CD6: variants seen among roughly 807,000 people sequenced by gnomAD.
CD6 encodes CD6 molecule.
In CD6, 53 loss-of-function variants were observed where a neutral mutation model predicts 75.3. The observed-to-expected ratio is 0.70, with a 90% CI of 0.56 to 0.88. The LOEUF is 0.88. CD6 is among the 40% of genes least tolerant of loss of function. The pLI is 0.00. For synonymous variants in CD6, 359 were observed against 381.5 expected (o/e 0.94, Z 0.69); for missense variants, 770 against 897.1 (o/e 0.86, Z 1.81).
chr11:61,008,420 G>T, intron 3 of CD6, 114 bp from the exon 4 acceptor site: 1 of 1,014,320 alleles, frequency 9.9e-7, no homozygotes, highest in Non-Finnish European at 1.4e-6. Context: ...CCGGGCTACA[G>T]CCCTCTCACT....
At chr11:60,997,538 T>TA (rs1387060696) in intron 1 of CD6, among the ~76,000 whole-genome samples, 1 of 151,964 alleles carries the variant, frequency 6.6e-6, no homozygotes, top group Non-Finnish European at 1.5e-5. Flanking sequence ...TACACATCAA[T>TA]AAAAAAATTC....
In CD6 at chr11:61,011,132, A is replaced by G; in HGVS notation, c.1147A>G (p.Ile383Val). The change falls in exon 6 of 13, where the codon ATA becomes GTA. Residue 383 changes from isoleucine (I) to valine (V), a missense_variant. Transcript: ENST00000313421. ...CCCTGCAAGTGTTCAGACAGTCACT[A>G]TAGGTAAGTGTTGCTGGGTACTACG... ...EVPASVQTVTIESSVTVKIEN... is the reference protein window; with the variant it reads ...EVPASVQTVTVESSVTVKIEN... 4.3e-6 allele frequency: 7 copies of G among 1,613,150 alleles called. No homozygotes were observed. The highest frequency in any genetic ancestry group is 5.9e-6 in the Non-Finnish European group (7 of 1,179,602).
intron 1 of CD6, among the ~76,000 whole-genome samples, chr11:60,978,522 T>C (rs1452374642): frequency 6.6e-6 from 1 of 152,200 alleles, no homozygotes; most frequent in Non-Finnish European, 1.5e-5. Flanking sequence ...TTGGTCAAGT[T>C]CCTTCCTTTC....
chr11:60,993,551 C>T (rs903884733), intron 1 of CD6, among the ~76,000 whole-genome samples: 2 of 152,100 alleles, frequency 1.3e-5, no homozygotes, highest in Non-Finnish European at 2.9e-5. Flanking sequence ...TTCTGTTTGG[C>T]TCATTTATCA....
At chr11:60,994,401 A>G (rs1007552926) in intron 1 of CD6, among the ~76,000 whole-genome samples, 13 of 133,678 alleles carry the variant, frequency 9.7e-5, no homozygotes, top group African/African-American at 3.7e-4. Flanking sequence ...AGATCGTGCC[A>G]CTGCAGTCCA....
intron 8 of CD6, 122 bp from the exon 9 acceptor site, chr11:61,015,591 G>T: frequency 8.9e-7 from 1 of 1,128,192 alleles, no homozygotes. Flanking sequence ...GAAAAAAAAA[G>T]GGGGCTACTT....
chr11:60,991,687 T>G (rs1858071216), intron 1 of CD6, among the ~76,000 whole-genome samples: 1 of 151,908 alleles, frequency 6.6e-6, no homozygotes. Context: ...CGTTTTCATT[T>G]TAGAGGTGGA....
intron 12 of CD6, 184 bp downstream of exon 12, chr11:61,018,577 C>T: frequency 1.7e-6 from 1 of 581,098 alleles, no homozygotes; most frequent in Non-Finnish European, 3.1e-6. Flanking sequence ...GCCTGTAATC[C>T]CAGCACAAGG....
At chr11:61,012,313 G>A (rs1211353507) in intron 6 of CD6, among the ~76,000 whole-genome samples, 1 of 152,150 alleles carries the variant, frequency 6.6e-6, no homozygotes, top group Non-Finnish European at 1.5e-5. Flanking sequence ...GAGATCCAGG[G>A]ACCACACCCC....
intron 1 of CD6, among the ~76,000 whole-genome samples, chr11:60,991,227 C>T (rs981853709): frequency 8.7e-5 from 13 of 149,174 alleles, no homozygotes; most frequent in Non-Finnish European, 1.2e-4. Context: ...CTCGGCTCAC[C>T]GCAACCTCCA....
intron 1 of CD6, among the ~76,000 whole-genome samples, chr11:60,994,465 A>AAAAAAAAAAAAAAAAAC (rs1554993198): frequency 1.1e-4 from 15 of 138,390 alleles, no homozygotes; most frequent in Admixed American, 1.5e-4. Context: ...GCCAAAAAAA[A>AAAAAAAAAAAAAAAAAC]AAAAAAGCTG....
chr11:60,975,734 A>C lies in CD6; in HGVS notation c.49+3820A>C, dbSNP rs189631910. Among the ~76,000 whole-genome samples, 65 of 152,292 alleles carry C rather than the reference A, an allele frequency of 4.3e-4. No homozygotes were observed. The East Asian group carries it at 9.6e-3, about 23-fold the overall frequency. On this transcript the variant is annotated intron_variant, in intron 1 of 12. Transcript: ENST00000313421. ...AGGATGGTTTGAGCCCGGGAGTTTG[A>C]GGCTGCAATGAATGAGCCATTATTG...
intron 1 of CD6, among the ~76,000 whole-genome samples, chr11:60,995,866 G>C (rs1397908680): frequency 3.3e-5 from 5 of 152,192 alleles, no homozygotes; most frequent in African/African-American, 1.2e-4. Context: ...TGGGTTCTGA[G>C]TTGTGTCACC....
chr11:60,991,969 A>G (rs955108870), intron 1 of CD6, among the ~76,000 whole-genome samples: 2 of 151,908 alleles, frequency 1.3e-5, no homozygotes, highest in Admixed American at 1.3e-4. Context: ...TGCAGCCTCA[A>G]ACTCCTCGGC....
intron 8 of CD6, among the ~76,000 whole-genome samples, chr11:61,014,485 AG>A (rs1859308708): frequency 6.6e-6 from 1 of 152,228 alleles, no homozygotes; most frequent in African/African-American, 2.4e-5. Flanking sequence ...CTGTAATCCC[AG>A]CACTTTGGGA....
At chr11:61,001,140 A>G (rs1189533918) in intron 1 of CD6, among the ~76,000 whole-genome samples, 1 of 145,334 alleles carries the variant, frequency 6.9e-6, no homozygotes, top group East Asian at 2.0e-4. Context: ...AATAATTATT[A>G]TTTTTCAATG....
At chr11:60,992,332 C>CT (rs35718014) in intron 1 of CD6, among the ~76,000 whole-genome samples, 43,942 of 146,018 alleles carry the variant, frequency 0.3, 7,266 homozygotes, top group East Asian at 0.61. Flanking sequence ...GCTTGTGAGG[C>CT]TTTTTTTTTT....
At chr11:61,019,221 G>GT (rs758976662) in intron 12 of CD6, 33 bp from the exon 13 acceptor site, 1 of 1,570,004 alleles carries the variant, frequency 6.4e-7, no homozygotes, top group Non-Finnish European at 8.7e-7. Flanking sequence ...CAATGACTGG[G>GT]TCTCCCACTA....
Position 60,989,535 on chromosome 11 carries a change from G to A in CD6, c.50-17039G>A, listed in dbSNP as rs150380753. 4.2e-3 allele frequency: 635 copies of A among 152,532 alleles called. 3 individuals carry two copies. Among genetic ancestry groups the A allele is most frequent in the Non-Finnish European group, 7.4e-3 (505 of 68,132 alleles). The allele number at this position is 152,532 out of a possible 1,614,324, so 9.4% of individuals were successfully genotyped here. On this transcript the variant is annotated intron_variant, in intron 1 of 12. Coordinates refer to ENST00000313421, the MANE Select transcript of CD6 (RefSeq NM_006725.5). ...CACCTACCTCAGAGAGACAACATTC[G>A]AGTCAGCTCTTAACATCTGGCCTCC...
Sources: gnomAD v4.1 joint callset for allele counts (sites outside exome capture counted in the v4.1 genomes callset) on GRCh38, gnomAD v4.1.1 for gene constraint, MANE v1.5 for transcripts, NCBI Gene and HGNC (gene_info 2026-07-23, HGNC 2026-07-21) for gene names.